JAM2: variants seen among roughly 807,000 people sequenced by gnomAD.
The protein encoded by JAM2 is junctional adhesion molecule 2.
Under a neutral mutation model 42.0 loss-of-function variants are expected in JAM2, and 17 were observed. The ratio of observed to expected loss-of-function variants is 0.40; its 90% CI spans 0.28 to 0.61. The LOEUF (loss-of-function observed/expected upper bound fraction) is 0.61, where lower values mean the gene tolerates loss of function less well. Ranked by LOEUF, JAM2 falls within the 20% of genes least tolerant of loss-of-function variation. The pLI is 0.37. For synonymous variants in JAM2, 118 were observed against 128.6 expected, an observed-to-expected ratio of 0.92 and a Z score of 0.56; for missense variants, 319 against 358.3, an observed-to-expected ratio of 0.89 and a Z score of 0.89.
chr21:25,673,069 T>C (rs1295373207), intron 1 of JAM2, among the ~76,000 whole-genome samples: 3 of 152,190 alleles, frequency 2.0e-5, no homozygotes, highest in Admixed American at 6.5e-5. Flanking sequence ...AGATTGTCAC[T>C]TGGGGAAAAT....
At position 25,655,350 on chromosome 21, in the gene JAM2, A is replaced by ATTTTTTTTT. The variant is rs751257378; in HGVS notation, c.67+15475_67+15483dup. Reference sequence around the variant, plus strand: ...AACATGATAAATATACTGAAATTCTATTTTTTTTTTTTTTTTTTTTTGTCC... The same window carrying ATTTTTTTTT: ...AACATGATAAATATACTGAAATTCTATTTTTTTTTTTTTTTTTTTTTTTTTTTTTTGTCC... On this transcript the variant is annotated intron_variant, in intron 1 of 9. Transcript: ENST00000480456. Among the ~76,000 whole-genome samples the ATTTTTTTTT allele has an allele frequency of 3.2e-3, 325 of 100,072 alleles. 2 individuals are homozygous for ATTTTTTTTT. The highest frequency in any genetic ancestry group is 7.3e-3 in the African/African-American group (187 of 25,768). The allele number at this position is 100,072 out of a possible 152,430, so 65.7% of individuals were successfully genotyped here. A position where few individuals can be genotyped will look rare whatever the true frequency, so the allele number is the denominator to read the frequency against.
At chr21:25,678,617 G>T (rs1045183759) in intron 1 of JAM2, among the ~76,000 whole-genome samples, 1 of 152,166 alleles carries the variant, frequency 6.6e-6, no homozygotes, top group Non-Finnish European at 1.5e-5. Context: ...ATGGGTCACT[G>T]CTTTCTACAG....
At chr21:25,702,712 T>C (rs982419957) in intron 6 of JAM2, among the ~76,000 whole-genome samples, 36 of 152,320 alleles carry the variant, frequency 2.4e-4, no homozygotes, top group African/African-American at 7.9e-4. Flanking sequence ...ATTTAAGTAA[T>C]CAGAAAGTAT....
intron 1 of JAM2, among the ~76,000 whole-genome samples, chr21:25,661,980 A>C (rs2033101107): frequency 6.6e-6 from 1 of 152,194 alleles, no homozygotes; most frequent in South Asian, 2.1e-4. Flanking sequence ...GGTGTGTTTC[A>C]TTAAAATCTA....
At chr21:25,682,173 ACAGGCG>A (rs2123366381) in intron 1 of JAM2, among the ~76,000 whole-genome samples, 1 of 152,370 alleles carries the variant, frequency 6.6e-6, no homozygotes, top group East Asian at 1.9e-4. Flanking sequence ...AGAGACTATA[ACAGGCG>A]ACAGACTTGC....
At chr21:25,677,997 G>C (rs2033538958) in intron 1 of JAM2, among the ~76,000 whole-genome samples, 1 of 152,136 alleles carries the variant, frequency 6.6e-6, no homozygotes, top group Non-Finnish European at 1.5e-5. Flanking sequence ...ACTTTGGCAG[G>C]CCGAGGCAGG....
intron 1 of JAM2, among the ~76,000 whole-genome samples, chr21:25,677,981 G>A (rs1409542156): frequency 2.0e-5 from 3 of 152,116 alleles, no homozygotes; most frequent in Non-Finnish European, 4.4e-5. Context: ...GGCCAGGCGC[G>A]GTGGCACTTT....
At chr21:25,672,034 G>A (rs1234584810) in intron 1 of JAM2, among the ~76,000 whole-genome samples, 4 of 152,126 alleles carry the variant, frequency 2.6e-5, no homozygotes, top group Admixed American at 1.3e-4. Flanking sequence ...TACGTAGCGT[G>A]GGAGGTGGAG....
At chr21:25,696,049 G>T (rs2034016948) in intron 4 of JAM2, among the ~76,000 whole-genome samples, 1 of 152,206 alleles carries the variant, frequency 6.6e-6, no homozygotes, top group Non-Finnish European at 1.5e-5. Context: ...CTGGGAGGTG[G>T]AGGTTGTAGC....
At chr21:25,670,320 C>CA (rs1454472920) in intron 1 of JAM2, among the ~76,000 whole-genome samples, 1 of 151,910 alleles carries the variant, frequency 6.6e-6, no homozygotes, top group Non-Finnish European at 1.5e-5. Flanking sequence ...CCTGTCTCTA[C>CA]AAAAAACACA....
rs749842653 is a variant in JAM2 at position 25,706,016 on chromosome 21, AGTT to A, written c.738_740del (p.Val247del). 8.1e-6 allele frequency: 13 copies of A among 1,613,852 alleles called. No individual in the cohort carries two copies. In the Admixed American group the frequency reaches 8.3e-5, roughly 10 times the overall value. On this transcript the variant is annotated inframe_deletion, in exon 7 of 10. Transcript: ENST00000480456. The stretch of plus-strand genomic sequence containing the variant: ...TAAGTGGCATCATAGCAGCCGTAGT[AGTT>A]GTGGCCTTAGTGATTTCCGTTTGTG...
At chr21:25,641,537 T>C (rs984684763) in intron 1 of JAM2, among the ~76,000 whole-genome samples, 1 of 152,184 alleles carries the variant, frequency 6.6e-6, no homozygotes, top group Admixed American at 6.5e-5. Flanking sequence ...CTTTTCTATA[T>C]TGTTCCTGGG....
chr21:25,666,405 A>G (rs1424033904), intron 1 of JAM2, among the ~76,000 whole-genome samples: 2 of 151,184 alleles, frequency 1.3e-5, no homozygotes, highest in Non-Finnish European at 2.9e-5. Flanking sequence ...GCTCACTGCA[A>G]CCTCTGCCTC....
intron 1 of JAM2, among the ~76,000 whole-genome samples, chr21:25,647,370 T>C (rs2032644324): frequency 6.6e-6 from 1 of 152,210 alleles, no homozygotes; most frequent in Non-Finnish European, 1.5e-5. Flanking sequence ...TATATAAGCA[T>C]ACTCTTATAA....
intron 4 of JAM2, among the ~76,000 whole-genome samples, chr21:25,694,228 C>T (rs1222926104): frequency 2.0e-5 from 3 of 152,130 alleles, no homozygotes; most frequent in African/African-American, 7.2e-5. Flanking sequence ...TCAGCATATA[C>T]ACAGTTTCTC....
rs913293946 is a variant in JAM2, at chr21:25,675,509, G to C, written c.68-8374G>C. Among the ~76,000 whole-genome samples, 3 of 148,666 alleles carry C rather than the reference G, an allele frequency of 2.0e-5. No individual in the cohort carries two copies. In the East Asian group the frequency reaches 6.0e-4, roughly 30 times the overall value. On this transcript the variant is annotated intron_variant, in intron 1 of 9. Coordinates refer to ENST00000480456, the MANE Select transcript of JAM2 (RefSeq NM_021219.4). ...AAACTCTGTCTCAGAAAAAGAAAGA[G>C]AGAGAGGAGAGAGAGAGAAAGAGAG... is the stretch of plus-strand genomic sequence containing the variant.
intron 3 of JAM2, among the ~76,000 whole-genome samples, chr21:25,691,607 G>A (rs1470827143): frequency 4.6e-5 from 7 of 152,120 alleles, no homozygotes; most frequent in East Asian, 3.9e-4. Context: ...GCAGTGTTAC[G>A]TGAGCCACCA....
intron 1 of JAM2, among the ~76,000 whole-genome samples, chr21:25,645,939 A>T (rs140029939): frequency 6.6e-6 from 1 of 152,322 alleles, no homozygotes; most frequent in Non-Finnish European, 1.5e-5. Context: ...CCTGTGTAGA[A>T]ACATATCATG....
rs569729840 is a variant in JAM2, at chr21:25,655,621, T to C, written c.67+15733T>C. Reference sequence around the variant, plus strand: ...TCAGCCTCCCGAGTAGCTGGGATTCTAGGCGTCTGCCACTACGCCCAGCTA... The same window carrying C: ...TCAGCCTCCCGAGTAGCTGGGATTCCAGGCGTCTGCCACTACGCCCAGCTA... On this transcript the variant is annotated intron_variant, in intron 1 of 9. Transcript: ENST00000480456. 1.7e-3 allele frequency among the ~76,000 whole-genome samples: 258 copies of C among 149,532 alleles called. 1 individual carries two copies. Among genetic ancestry groups the C allele is most frequent in the African/African-American group, 6.1e-3 (249 of 40,820 alleles).
Sources: allele counts gnomAD v4.1 joint callset (sites outside exome capture counted in the v4.1 genomes callset), GRCh38; gene constraint gnomAD v4.1.1; transcripts MANE v1.5; gene names NCBI Gene and HGNC (gene_info 2026-07-23, HGNC 2026-07-21).